VSNL1: variants seen among roughly 807,000 people sequenced by gnomAD.
VSNL1 encodes visinin-like protein 1.
Under a neutral mutation model 20.4 loss-of-function variants are expected in VSNL1, and 6 were observed. That is an observed-to-expected ratio of 0.29 (90% CI 0.16 to 0.58). The LOEUF (loss-of-function observed/expected upper bound fraction) is 0.58, where lower values mean the gene tolerates loss of function less well. VSNL1 is among the 20% of genes least tolerant of loss of function. The pLI is 0.90. For missense variants in VSNL1, 100 were observed against 234.5 expected (o/e 0.43, Z 3.75); for synonymous variants, 93 against 86.4 (o/e 1.08, Z -0.42).
At chr2:17,565,431 G>A (rs901884559) in intron 1 of VSNL1, among the ~76,000 whole-genome samples, 3 of 151,982 alleles carry the variant, frequency 2.0e-5, no homozygotes, top group African/African-American at 7.2e-5. Flanking sequence ...AATTTGGTAT[G>A]TATTTTCTTC....
chr2:17,641,425 C>T (rs941803205), intron 2 of VSNL1, among the ~76,000 whole-genome samples: 4 of 152,180 alleles, frequency 2.6e-5, no homozygotes, highest in South Asian at 2.1e-4. Flanking sequence ...CAGACTGGCT[C>T]TAAATGGAAA....
chr2:17,602,864 C>A (rs1287498756), intron 2 of VSNL1, among the ~76,000 whole-genome samples: 1 of 152,158 alleles, frequency 6.6e-6, no homozygotes, highest in Non-Finnish European at 1.5e-5. Flanking sequence ...CAACAAACAA[C>A]TATAGAATGG....
At chr2:17,572,085 G>T (rs945117373) in intron 1 of VSNL1, among the ~76,000 whole-genome samples, 3 of 152,184 alleles carry the variant, frequency 2.0e-5, no homozygotes, top group Admixed American at 6.5e-5. Context: ...TTTTCTTAAG[G>T]TAGTCCTGAA....
At chr2:17,592,565 T>G (rs1664613975) in intron 2 of VSNL1, among the ~76,000 whole-genome samples, 1 of 151,094 alleles carries the variant, frequency 6.6e-6, no homozygotes, top group South Asian at 2.1e-4. Flanking sequence ...ACAGCATTAT[T>G]TGGCCTGTTA....
At chr2:17,592,040 C>T (rs201257816) in intron 1 of VSNL1, 30 bp from the exon 2 acceptor site, 34 of 1,612,396 alleles carry the variant, frequency 2.1e-5, no homozygotes, top group South Asian at 2.0e-4. Context: ...ACAGCCACAG[C>T]GCTAATTGAA....
chr2:17,649,259 C>T lies in VSNL1; in HGVS notation c.163-151C>T, dbSNP rs1490475065. 1.4e-6 allele frequency: 1 copy of T among 703,866 alleles called. No individual in the cohort carries two copies. The highest frequency in any genetic ancestry group is 2.5e-6 in the Non-Finnish European group (1 of 406,004). 43.6% of individuals were successfully genotyped at this position (703,866 alleles called of 1,614,324 possible). ...TGAGAAAGCCTCCCCTAATGCCTGCCCTTGCCCTTGACAGTCAGGCCAAAC... is the reference window on the plus strand; with the variant it reads ...TGAGAAAGCCTCCCCTAATGCCTGCTCTTGCCCTTGACAGTCAGGCCAAAC... On this transcript the variant is annotated intron_variant, in intron 2 of 3. Transcript: ENST00000295156. The surrounding 1 kb of genome is among the most constrained non-coding windows in gnomAD (Gnocchi z 6.4).
rs113025191 is a variant in VSNL1, at chr2:17,591,804, T to C, written c.-5-266T>C. Among the ~76,000 whole-genome samples, 1,354 of 152,196 alleles carry C rather than the reference T, an allele frequency of 8.9e-3. 32 individuals carry two copies. Among genetic ancestry groups the C allele is most frequent in the African/African-American group, 0.031 (1,284 of 41,518 alleles). ...ATAGCATAAAAAGGGATGGTTGCCT[T>C]CCATTTGGGAGTCAACACCATATGA... On this transcript the variant is annotated intron_variant, in intron 1 of 3. Coordinates refer to ENST00000295156, the MANE Select transcript of VSNL1 (RefSeq NM_003385.5).
At chr2:17,614,150 G>A (rs764827992) in intron 2 of VSNL1, among the ~76,000 whole-genome samples, 2 of 152,224 alleles carry the variant, frequency 1.3e-5, no homozygotes, top group Non-Finnish European at 2.9e-5. Flanking sequence ...CCTTCAGTGT[G>A]GGCAAGGCCC....
chr2:17,638,436 C>G (rs1472834617), intron 2 of VSNL1, among the ~76,000 whole-genome samples: 1 of 152,146 alleles, frequency 6.6e-6, no homozygotes, highest in Non-Finnish European at 1.5e-5. Context: ...GGTAGAACTC[C>G]TAGGGCTCAG....
chr2:17,626,469 G>A (rs539800337), intron 2 of VSNL1, among the ~76,000 whole-genome samples: 8 of 152,262 alleles, frequency 5.3e-5, no homozygotes, highest in South Asian at 2.1e-4. Flanking sequence ...AGTCCTAAGC[G>A]ACAGCCAGTC....
intron 2 of VSNL1, among the ~76,000 whole-genome samples, chr2:17,604,715 T>C (rs1011285353): frequency 1.3e-5 from 2 of 152,194 alleles, no homozygotes; most frequent in African/African-American, 4.8e-5. Flanking sequence ...ACTCAAAACA[T>C]TTTGGTCTGA....
chr2:17,602,563 C>A (rs1037249365), intron 2 of VSNL1, among the ~76,000 whole-genome samples: 3 of 151,958 alleles, frequency 2.0e-5, no homozygotes, highest in Non-Finnish European at 4.4e-5. Flanking sequence ...GCCAACACGG[C>A]GAAACTCTGT....
intron 1 of VSNL1, among the ~76,000 whole-genome samples, chr2:17,559,005 C>G (rs970963131): frequency 2.0e-5 from 3 of 151,914 alleles, no homozygotes; most frequent in African/African-American, 7.3e-5. Flanking sequence ...GACCCAGAAC[C>G]TAGACTTCTC....
At chr2:17,581,436 A>C (rs2103365608) in intron 1 of VSNL1, among the ~76,000 whole-genome samples, 1 of 152,366 alleles carries the variant, frequency 6.6e-6, no homozygotes, top group Admixed American at 6.5e-5. Context: ...TAATGGCTTC[A>C]TAATTTCCAT....
At chr2:17,593,618 G>C (rs1443482557) in intron 2 of VSNL1, among the ~76,000 whole-genome samples, 1 of 152,146 alleles carries the variant, frequency 6.6e-6, no homozygotes, top group Non-Finnish European at 1.5e-5. Context: ...AGTGTTTATT[G>C]CATCATTAAA....
intron 1 of VSNL1, among the ~76,000 whole-genome samples, chr2:17,577,287 T>A (rs1192786054): frequency 6.6e-6 from 1 of 152,222 alleles, no homozygotes; most frequent in Non-Finnish European, 1.5e-5. Flanking sequence ...GATAGTTTTC[T>A]TTGATAGTTT....
intron 2 of VSNL1, among the ~76,000 whole-genome samples, chr2:17,640,135 A>G (rs1366786341): frequency 1.3e-5 from 2 of 152,072 alleles, no homozygotes; most frequent in Admixed American, 1.3e-4. Context: ...CTGTAATCCC[A>G]GCTACTCAGG....
At chr2:17,570,415 C>A (rs900228096) in intron 1 of VSNL1, among the ~76,000 whole-genome samples, 2 of 152,206 alleles carry the variant, frequency 1.3e-5, no homozygotes, top group African/African-American at 2.4e-5. Flanking sequence ...GCTATTTAGG[C>A]CCATTATGAA....
intron 2 of VSNL1, among the ~76,000 whole-genome samples, chr2:17,599,285 T>G (rs1463813276): frequency 6.6e-6 from 1 of 152,148 alleles, no homozygotes; most frequent in Non-Finnish European, 1.5e-5. Context: ...TTCAAGCTAA[T>G]CCACAAAAGA....
Sources: gnomAD v4.1 joint callset for allele counts (sites outside exome capture counted in the v4.1 genomes callset) on GRCh38, gnomAD v4.1.1 for gene constraint, Gnocchi (gnomAD v3.1) non-coding constraint, MANE v1.5 for transcripts, NCBI Gene and HGNC (gene_info 2026-07-23, HGNC 2026-07-21) for gene names.